Variants in SERPINB10 observed in about 807,000 individuals in gnomAD.
SERPINB10 encodes the protein serpin family B member 10.
SERPINB10 carries 35 observed loss-of-function variants against 39.1 expected under a neutral mutation model. That is an observed-to-expected ratio of 0.90 (90% CI 0.68 to 1.19). SERPINB10 has a LOEUF of 1.19. Among genes scored for constraint, SERPINB10 ranks in the 50% most tolerant of loss-of-function variants. The probability of loss-of-function intolerance (pLI) is 0.00; values close to 1 mark genes in which losing one functional copy is unlikely to be tolerated. For synonymous variants in SERPINB10, 190 were observed against 158.1 expected (o/e 1.20, Z -1.52); for missense variants, 546 against 460.5 (o/e 1.19, Z -1.70).
At chr18:63,909,121 G>C (rs921959670) in intron 1 of SERPINB10, among the ~76,000 whole-genome samples, 1 of 151,936 alleles carries the variant, frequency 6.6e-6, no homozygotes, top group African/African-American at 2.4e-5. Context: ...TCTATGATGA[G>C]ACATTTTGAT....
At position 63,907,987 on chromosome 18, in the gene SERPINB10, A is replaced by C. The variant is rs905329097; in HGVS notation, c.-63A>C. 3.2e-5 allele frequency: 11 copies of C among 340,388 alleles called. No individual in the cohort carries two copies. Among genetic ancestry groups the C allele is most frequent in the Non-Finnish European group, 5.4e-5 (9 of 165,868 alleles). The allele number at this position is 340,388 out of a possible 1,614,324, so 21.1% of individuals were successfully genotyped here. On this transcript the variant is annotated 5_prime_UTR_variant, in exon 1 of 8. Transcript: ENST00000238508. ...GAAAGTTTCTCAACTCTTCAGCCAC[A>C]ATCTCTTACTACAGGAGCAAATTGC...
intron 2 of SERPINB10, among the ~76,000 whole-genome samples, chr18:63,917,184 A>C (rs567613011): frequency 6.6e-6 from 1 of 152,166 alleles, no homozygotes; most frequent in African/African-American, 2.4e-5. Context: ...AAAATAAGAG[A>C]ATTTTACCTC....
intron 1 of SERPINB10, among the ~76,000 whole-genome samples, chr18:63,910,015 A>G (rs1015126831): frequency 7.2e-5 from 11 of 152,084 alleles, no homozygotes; most frequent in African/African-American, 2.6e-4. Flanking sequence ...CACCTAGGGC[A>G]TGATTTAGAG....
At chr18:63,925,920 T>C (rs1458435003) in intron 5 of SERPINB10, among the ~76,000 whole-genome samples, 1 of 151,970 alleles carries the variant, frequency 6.6e-6, no homozygotes, top group Non-Finnish European at 1.5e-5. Flanking sequence ...AAATCAGTGT[T>C]CAAATTAATA....
At chr18:63,920,720 T>C (rs2050140593) in intron 5 of SERPINB10, among the ~76,000 whole-genome samples, 1 of 152,018 alleles carries the variant, frequency 6.6e-6, no homozygotes. Context: ...GGTTTGCCTG[T>C]GACTTTCCTA....
intron 5 of SERPINB10, among the ~76,000 whole-genome samples, chr18:63,925,197 C>T (rs1016044894): frequency 6.6e-6 from 1 of 151,904 alleles, no homozygotes; most frequent in African/African-American, 2.4e-5. Flanking sequence ...TCAATATGAC[C>T]TTCTAGTCTT....
intron 5 of SERPINB10, among the ~76,000 whole-genome samples, chr18:63,922,747 T>C (rs1179573021): frequency 6.6e-6 from 1 of 152,092 alleles, no homozygotes; most frequent in East Asian, 1.9e-4. Flanking sequence ...CAGAAGATCT[T>C]CCTATGATGA....
At position 63,935,901 on chromosome 18, in the gene SERPINB10, T is replaced by TA. The variant is rs1020286974; in HGVS notation, c.*665dup. The TA allele has an allele frequency of 2.6e-5, 4 of 152,206 alleles. No homozygotes were observed. The highest frequency in any genetic ancestry group is 7.2e-5 in the African/African-American group (3 of 41,446). 9.4% of individuals were successfully genotyped at this position (152,206 alleles called of 1,614,324 possible). A position where few individuals can be genotyped will look rare whatever the true frequency, so the allele number is the denominator to read the frequency against. ...AAAAATACTTATATTGACATTAGCT[T>TA]AAAAAACTAGTGAAATCCAAATGAA... On this transcript the variant is annotated 3_prime_UTR_variant, in exon 8 of 8. Coordinates refer to ENST00000238508, the MANE Select transcript of SERPINB10 (RefSeq NM_005024.3).
chr18:63,918,039 C>A lies in SERPINB10; in HGVS notation c.309C>A (p.Asn103Lys), dbSNP rs61761878. Reference sequence around the variant, plus strand: ...TTATCTCAGAAATCCTCAAGCCCAACGATGACTACTTACTTAAAACAGCCA... The same window carrying A: ...TTATCTCAGAAATCCTCAAGCCCAAAGATGACTACTTACTTAAAACAGCCA... Reference protein sequence around the residue: ...QTLISEILKPNDDYLLKTANA... With the variant: ...QTLISEILKPKDDYLLKTANA... The change falls in exon 4 of 8, where the codon AAC (asparagine) becomes AAA (lysine). Residue 103 changes from asparagine to lysine, a missense_variant. By Grantham distance (94) the Asn-to-Lys change is moderately conservative (BLOSUM62 0). Transcript: ENST00000238508. The A allele has an allele frequency of 6.2e-7, 1 of 1,612,238 alleles. No homozygotes were observed. Among genetic ancestry groups the A allele is most frequent in the Non-Finnish European group, 8.5e-7 (1 of 1,178,888 alleles).
chr18:63,914,422 A>G (rs577250696), intron 1 of SERPINB10, among the ~76,000 whole-genome samples: 25 of 152,190 alleles, frequency 1.6e-4, no homozygotes, highest in African/African-American at 6.0e-4. Context: ...AACTTCCTTA[A>G]GGATTTCTTG....
At chr18:63,912,532 T>C (rs759601130) in intron 1 of SERPINB10, among the ~76,000 whole-genome samples, 6 of 152,072 alleles carry the variant, frequency 3.9e-5, no homozygotes, top group Non-Finnish European at 7.4e-5. Context: ...TCCACCTCTA[T>C]TGAGATGATC....
intron 1 of SERPINB10, among the ~76,000 whole-genome samples, chr18:63,910,760 T>TTGTG (rs763286030): frequency 2.6e-4 from 22 of 83,550 alleles, no homozygotes; most frequent in African/African-American, 1.1e-3. Flanking sequence ...TGATGAACAC[T>TTGTG]TGTGTGTGTG....
chr18:63,922,955 TGAA>T (rs1470199847), intron 5 of SERPINB10, among the ~76,000 whole-genome samples: 2 of 151,982 alleles, frequency 1.3e-5, no homozygotes, highest in Admixed American at 6.6e-5. Flanking sequence ...GTTTCATTTC[TGAA>T]GAAGAACTGA....
intron 1 of SERPINB10, among the ~76,000 whole-genome samples, chr18:63,908,425 G>A (rs2050041088): frequency 6.6e-6 from 1 of 151,986 alleles, no homozygotes; most frequent in South Asian, 2.1e-4. Context: ...CAGGACGGTT[G>A]AGCCAAAACC....
chr18:63,924,398 T>C (rs2050166570), intron 5 of SERPINB10, among the ~76,000 whole-genome samples: 1 of 151,958 alleles, frequency 6.6e-6, no homozygotes, highest in East Asian at 1.9e-4. Context: ...TGTAGCCCAT[T>C]GCTGGTACCC....
At position 63,916,609 on chromosome 18, in the gene SERPINB10, T is replaced by G. The variant is rs141882291; in HGVS notation, c.169-847T>G. On this transcript the variant is annotated intron_variant, in intron 2 of 7. Transcript: ENST00000238508. ...AACAAAATCCTTGTTCACAACTTGTTAATGACAGGTTCATTAGCTCAAAAG... is the reference window on the plus strand; with the variant it reads ...AACAAAATCCTTGTTCACAACTTGTGAATGACAGGTTCATTAGCTCAAAAG... 8.5e-5 allele frequency among the ~76,000 whole-genome samples: 13 copies of G among 152,216 alleles called. No individual in the cohort carries two copies. The East Asian group carries it at 2.5e-3, about 29-fold the overall frequency.
At chr18:63,908,773 A>G (rs8089365) in intron 1 of SERPINB10, among the ~76,000 whole-genome samples, 47,447 of 151,798 alleles carry the variant, frequency 0.31, 8,450 homozygotes, top group East Asian at 0.48. Flanking sequence ...TATTATCAGT[A>G]TCATCAGAAA....
intron 1 of SERPINB10, among the ~76,000 whole-genome samples, chr18:63,909,353 T>C (rs934661473): frequency 2.0e-5 from 3 of 152,014 alleles, no homozygotes; most frequent in Non-Finnish European, 4.4e-5. Flanking sequence ...TCCTGTAAAA[T>C]TTCACCTCAC....
intron 6 of SERPINB10, 57 bp from the exon 7 acceptor site, chr18:63,932,991 T>C: frequency 6.6e-7 from 1 of 1,510,176 alleles, no homozygotes; most frequent in South Asian, 1.2e-5. Flanking sequence ...AAGGAGTTGG[T>C]GGAATACTTC....
Sources: gnomAD v4.1 joint callset for allele counts (sites outside exome capture counted in the v4.1 genomes callset) on GRCh38, gnomAD v4.1.1 for gene constraint, MANE v1.5 for transcripts, NCBI Gene and HGNC (gene_info 2026-07-23, HGNC 2026-07-21) for gene names.